PARP1: variants seen among roughly 807,000 people sequenced by gnomAD.
PARP1 encodes the protein poly [ADP-ribose] polymerase 1.
In PARP1, 44 loss-of-function variants were observed where a neutral mutation model predicts 118.7. That is an observed-to-expected ratio of 0.37 (90% CI 0.29 to 0.48). PARP1 has a LOEUF of 0.48. Among genes scored for constraint, PARP1 ranks in the 20% least tolerant of loss-of-function variants. The pLI is 0.99. For missense variants in PARP1, 1,100 were observed against 1,272.4 expected, an observed-to-expected ratio of 0.86 and a Z score of 2.06; for synonymous variants, 492 against 483.2, an observed-to-expected ratio of 1.02 and a Z score of -0.24.
chr1:226,368,437 T>C lies in PARP1; in HGVS notation c.2155-116A>G, dbSNP rs1039239279. The C allele has an allele frequency of 2.3e-6, 3 of 1,325,704 alleles. No individual in the cohort carries two copies. The African/African-American group carries it at 4.3e-5, about 19-fold the overall frequency. The allele number at this position is 1,325,704 out of a possible 1,614,324, so 82.1% of individuals were successfully genotyped here. On this transcript the variant is annotated intron_variant, in intron 15 of 22. Coordinates refer to ENST00000366794, the MANE Select transcript of PARP1 (RefSeq NM_001618.4). ...GCAGGTCCAGAAGTAGCGTGGTATGTGCACATGCCAGGACACATGGGAAAC... is the reference window on the plus strand; with the variant it reads ...GCAGGTCCAGAAGTAGCGTGGTATGCGCACATGCCAGGACACATGGGAAAC...
chr1:226,361,679 T>C, intron 22 of PARP1, 138 bp from the exon 23 acceptor site: 1 of 731,840 alleles, frequency 1.4e-6, no homozygotes, highest in East Asian at 2.7e-5. Flanking sequence ...CTGGGTTGCC[T>C]CATCTCCCCG....
intron 15 of PARP1, among the ~76,000 whole-genome samples, chr1:226,369,625 T>C (rs1664337728): frequency 6.6e-6 from 1 of 152,208 alleles, no homozygotes; most frequent in African/African-American, 2.4e-5. Flanking sequence ...CTGTGGGCTC[T>C]GCAGTTGAGA....
chr1:226,390,357 T>C (rs1443861629), intron 4 of PARP1, 53 bp downstream of exon 4: 16 of 1,517,590 alleles, frequency 1.1e-5, no homozygotes, highest in African/African-American at 1.4e-5. Flanking sequence ...CCTTTGGGCC[T>C]CCCTTGAACC....
rs771470250 is a variant in PARP1 at position 226,367,596 on chromosome 1, T to C, written c.2290A>G (p.Met764Val). 1.9e-6 allele frequency: 3 copies of C among 1,614,162 alleles called. No homozygotes were observed. In the South Asian group the frequency reaches 3.3e-5, roughly 18 times the overall value. ...NADSVQAKVEMLDNLLDIEVA... is the reference protein window; with the variant it reads ...NADSVQAKVEVLDNLLDIEVA... Reference sequence around the variant, plus strand: ...TCGATGTCCAGCAGGTTGTCAAGCATTTCCACCTTGGCCTGGAGGAGCAAA... The same window carrying C: ...TCGATGTCCAGCAGGTTGTCAAGCACTTCCACCTTGGCCTGGAGGAGCAAA... Residue 764 changes from methionine (M) to valine (V), a missense_variant, in exon 17 of 23, where the codon ATG (methionine) becomes GTG (valine). By Grantham distance (21) the Met-to-Val change is conservative (BLOSUM62 1). Around this residue, in one of 2 missense-constraint regions of PARP1, gnomAD observed 948 missense variants for 1,031.8 expected, o/e 0.92. Coordinates refer to ENST00000366794, the MANE Select transcript of PARP1 (RefSeq NM_001618.4).
chr1:226,364,093 G>C (rs920980615), intron 19 of PARP1, 23 bp from the exon 20 acceptor site: 3 of 1,613,012 alleles, frequency 1.9e-6, no homozygotes, highest in Non-Finnish European at 2.5e-6. Flanking sequence ...AAAAGGGAGA[G>C]CTGAGAATCT....
chr1:226,402,512 A>T, intron 1 of PARP1, 133 bp from the exon 2 acceptor site: 2 of 847,008 alleles, frequency 2.4e-6, no homozygotes, highest in Non-Finnish European at 3.9e-6. Flanking sequence ...TTGTTCTCCT[A>T]TCTGTGAAAG....
chr1:226,366,666 C>A (rs1664270657), intron 17 of PARP1: 1 of 156,418 alleles, frequency 6.4e-6, no homozygotes, highest in Non-Finnish European at 1.4e-5. Flanking sequence ...GAATAAGAAT[C>A]CCTTCACGAA....
chr1:226,389,330 A>C (rs558532829), intron 4 of PARP1, among the ~76,000 whole-genome samples: 2 of 152,346 alleles, frequency 1.3e-5, no homozygotes, highest in African/African-American at 4.8e-5. Flanking sequence ...TGGCTCAGCA[A>C]ACACAGCTCT....
chr1:226,374,453 G>C (rs1202921667), intron 13 of PARP1, 99 bp from the exon 14 acceptor site: 8 of 1,423,240 alleles, frequency 5.6e-6, no homozygotes, highest in African/African-American at 1.4e-5. Flanking sequence ...ACACAGGCTA[G>C]AGTGCCACCA....
intron 14 of PARP1, 118 bp downstream of exon 14, chr1:226,374,108 T>C: frequency 1.7e-6 from 2 of 1,200,252 alleles, no homozygotes; most frequent in Non-Finnish European, 2.5e-6. Flanking sequence ...TACAAGAAGC[T>C]GACAGCCAAT....
At chr1:226,381,038 C>T (rs1408238910) in intron 9 of PARP1, 30 bp downstream of exon 9, 1 of 1,613,138 alleles carries the variant, frequency 6.2e-7, no homozygotes, top group Non-Finnish European at 8.5e-7. Flanking sequence ...GAAGCATTGT[C>T]CCTGTTGCAC....
chr1:226,365,715 C>T (rs1021168119), intron 18 of PARP1, among the ~76,000 whole-genome samples: 7 of 150,190 alleles, frequency 4.7e-5, no homozygotes, highest in African/African-American at 1.7e-4. Context: ...TGCAGCAGGC[C>T]GGGATTGCAC....
intron 17 of PARP1, chr1:226,367,187 C>G (rs1436163774): frequency 1.6e-5 from 7 of 446,468 alleles, no homozygotes; most frequent in Non-Finnish European, 2.9e-5. Context: ...AACAAACAAA[C>G]AAAAAAGAAC....
chr1:226,361,466 C>A lies in PARP1; in HGVS notation c.3039G>T (p.Leu1013=). 6.2e-7 allele frequency: 1 copy of A among 1,605,580 alleles called. No homozygotes were observed. Among genetic ancestry groups the A allele is most frequent in the Admixed American group, 1.7e-5 (1 of 60,014 alleles). ...ACTCGGCTACCTCTCCCAATTACCA[C>A]AGGGAGGTCTTAAAATTGAATTTCA... ...LKLKFNFKTS[L]W Residue 1013 remains leucine (L), a synonymous_variant, in exon 23 of 23, where the codon CTG becomes CTT. Transcript: ENST00000366794.
At chr1:226,407,061 G>A (rs1665163432) in intron 1 of PARP1, among the ~76,000 whole-genome samples, 2 of 152,146 alleles carry the variant, frequency 1.3e-5, no homozygotes, top group Non-Finnish European at 2.9e-5. Flanking sequence ...GGAAATGACA[G>A]GGGCCTTCAA....
intron 1 of PARP1, among the ~76,000 whole-genome samples, chr1:226,405,342 C>CTGTG (rs1558244752): frequency 1.5e-4 from 22 of 148,248 alleles, no homozygotes; most frequent in African/African-American, 5.2e-4. Context: ...CTGGGTCTGT[C>CTGTG]GCCCAGGCTG....
intron 2 of PARP1, among the ~76,000 whole-genome samples, chr1:226,393,524 C>G (rs1664857794): frequency 6.6e-6 from 1 of 152,186 alleles, no homozygotes; most frequent in African/African-American, 2.4e-5. Context: ...CAAAGCACTA[C>G]TCCCCAGAAA....
intron 17 of PARP1, chr1:226,367,260 C>A (rs1361565787): frequency 6.9e-6 from 4 of 582,486 alleles, no homozygotes; most frequent in Non-Finnish European, 9.2e-6. Context: ...TGGAAGGCTG[C>A]CTTGCAAACA....
chr1:226,393,102 C>A, intron 2 of PARP1: 1 of 976,560 alleles, frequency 1.0e-6, no homozygotes, highest in Non-Finnish European at 1.4e-6. Context: ...CTTAAGAAAT[C>A]TATTTTAAAA....
Sources: gnomAD v4.1 joint callset for allele counts (sites outside exome capture counted in the v4.1 genomes callset) on GRCh38, gnomAD v4.1.1 for gene constraint, gnomAD v4.1.1 regional missense constraint, MANE v1.5 for transcripts, NCBI Gene and HGNC (gene_info 2026-07-23, HGNC 2026-07-21) for gene names.